Variants in SULT4A1 observed in about 807,000 individuals in gnomAD.
SULT4A1 encodes the protein sulfotransferase 4A1.
Under a neutral mutation model 35.2 loss-of-function variants are expected in SULT4A1, and 11 were observed. The ratio of observed to expected loss-of-function variants is 0.31; its 90% CI spans 0.20 to 0.52. The LOEUF (loss-of-function observed/expected upper bound fraction) is 0.52, where lower values mean the gene tolerates loss of function less well. Ranked by LOEUF, SULT4A1 falls within the 20% of genes least tolerant of loss-of-function variation. SULT4A1 has a pLI of 0.97. For missense variants in SULT4A1, 271 were observed against 383.7 expected, an observed-to-expected ratio of 0.71 and a Z score of 2.45; for synonymous variants, 152 against 151.8, an observed-to-expected ratio of 1.00 and a Z score of -0.01.
chr22:43,844,420 C>G (rs2063458845), intron 1 of SULT4A1, among the ~76,000 whole-genome samples: 1 of 152,186 alleles, frequency 6.6e-6, no homozygotes, highest in Admixed American at 6.5e-5. Context: ...GGCTAGAGAC[C>G]TATGGACCAA....
intron 1 of SULT4A1, among the ~76,000 whole-genome samples, chr22:43,845,306 A>G (rs908298385): frequency 6.6e-6 from 1 of 151,810 alleles, no homozygotes; most frequent in African/African-American, 2.4e-5. Context: ...GCACATGCCC[A>G]CCAACTCCAG....
Position 43,838,899 on chromosome 22 carries a change from T to C in SULT4A1, c.476A>G (p.Gln159Arg). 1 of 1,614,088 alleles carries C rather than the reference T, an allele frequency of 6.2e-7. No individual in the cohort carries two copies. Among genetic ancestry groups the C allele is most frequent in the South Asian group, 1.1e-5 (1 of 91,066 alleles). The stretch of plus-strand genomic sequence containing the variant: ...ATTCATAAACCTCCGGCAGAATTCT[T>C]GAAAGGTGCCTCGGTAGCTCATGGT... Reference protein sequence around the residue: ...LRTMSYRGTFQEFCRRFMNDK... With the variant: ...LRTMSYRGTFREFCRRFMNDK... The change falls in exon 4 of 7, where the codon CAA (glutamine) becomes CGA (arginine). Residue 159 changes from glutamine (Q) to arginine (R), a missense_variant. Physicochemically the swap from Gln to Arg is conservative, Grantham distance 43. Around this residue, in one of 3 missense-constraint regions of SULT4A1, gnomAD observed 164 missense variants for 254.1 expected, o/e 0.65. Transcript: ENST00000330884.
At position 43,862,424 on chromosome 22, in the gene SULT4A1, A is replaced by G; in HGVS notation, c.-42T>C. 1.0e-6 allele frequency: 1 copy of G among 989,794 alleles called. No homozygotes were observed. Among genetic ancestry groups the G allele is most frequent in the East Asian group, 9.9e-5 (1 of 10,086 alleles). The allele number at this position is 989,794 out of a possible 1,614,324, so 61.3% of individuals were successfully genotyped here. On this transcript the variant is annotated 5_prime_UTR_variant, in exon 1 of 7. Coordinates refer to ENST00000330884, the MANE Select transcript of SULT4A1 (RefSeq NM_014351.4). ...TCGCCGCCGCCGCCTCCCGGCTCGCAGCCCGCACGCGCCCGCGCCCGCGCC... is the reference window on the plus strand; with the variant it reads ...TCGCCGCCGCCGCCTCCCGGCTCGCGGCCCGCACGCGCCCGCGCCCGCGCC...
chr22:43,859,295 G>A lies in SULT4A1; in HGVS notation c.169+2919C>T, dbSNP rs1216594862. ...CTCTCATTTTTAATGAGCAAACTGAGGTTCAAAGAAACCAGGTGGCTCACC... is the reference window on the plus strand; with the variant it reads ...CTCTCATTTTTAATGAGCAAACTGAAGTTCAAAGAAACCAGGTGGCTCACC... On this transcript the variant is annotated intron_variant, in intron 1 of 6. Transcript: ENST00000330884. Among the ~76,000 whole-genome samples, 3 of 152,230 alleles carry A rather than the reference G, an allele frequency of 2.0e-5. 1 individual carries two copies. Among genetic ancestry groups the A allele is most frequent in the East Asian group, 1.9e-4 (1 of 5,204 alleles).
chr22:43,839,544 T>C (rs2063407564), intron 3 of SULT4A1, among the ~76,000 whole-genome samples: 1 of 152,020 alleles, frequency 6.6e-6, no homozygotes, highest in South Asian at 2.1e-4. Context: ...CAGTGAGCCA[T>C]GCCACTGCAC....
At chr22:43,844,595 T>G (rs926696282) in intron 1 of SULT4A1, among the ~76,000 whole-genome samples, 2 of 152,166 alleles carry the variant, frequency 1.3e-5, no homozygotes, top group African/African-American at 4.8e-5. Flanking sequence ...GCCCAGGCAT[T>G]CAATCATTTA....
chr22:43,832,346 A>C (rs1297967397), intron 5 of SULT4A1, among the ~76,000 whole-genome samples: 2 of 151,974 alleles, frequency 1.3e-5, no homozygotes, highest in African/African-American at 4.8e-5. Context: ...CTCTTTCCTC[A>C]CCATAACACA....
rs1371336201 is a variant in SULT4A1, at chr22:43,825,861, C to G, written c.*140G>C. The G allele has an allele frequency of 2.5e-6, 2 of 806,366 alleles. No homozygotes were observed. Among genetic ancestry groups the G allele is most frequent in the Non-Finnish European group, 3.9e-6 (2 of 506,724 alleles). The allele number at this position is 806,366 out of a possible 1,614,324, so 50.0% of individuals were successfully genotyped here. A position where few individuals can be genotyped will look rare whatever the true frequency, so the allele number is the denominator to read the frequency against. On this transcript the variant is annotated 3_prime_UTR_variant, in exon 7 of 7. Coordinates refer to ENST00000330884, the MANE Select transcript of SULT4A1 (RefSeq NM_014351.4). ...GTTGGGAATCATCACACTCCCTCCG[C>G]TCACGCCGCTCTTCCCTTCCCCCGC...
chr22:43,840,159 G>A (rs9625949), intron 2 of SULT4A1, 134 bp from the exon 3 acceptor site: 123,645 of 659,270 alleles, frequency 0.19, 14,333 homozygotes, highest in African/African-American at 0.3. Flanking sequence ...CAGAGGGAAC[G>A]GCGGGTCTAG....
intron 1 of SULT4A1, among the ~76,000 whole-genome samples, chr22:43,857,098 A>T (rs140793758): frequency 9.8e-4 from 150 of 152,296 alleles, no homozygotes; most frequent in African/African-American, 3.6e-3. Context: ...AGAAATGGAA[A>T]CTCTAAGTGG....
intron 5 of SULT4A1, among the ~76,000 whole-genome samples, chr22:43,833,264 C>G (rs550066127): frequency 2.6e-5 from 4 of 152,232 alleles, no homozygotes; most frequent in Admixed American, 6.5e-5. Context: ...TCTGTGGTGA[C>G]CCAGGCTCCC....
intron 6 of SULT4A1, chr22:43,826,453 C>T (rs1025319285): frequency 3.0e-6 from 3 of 985,114 alleles, no homozygotes; most frequent in African/African-American, 1.7e-5. Context: ...GCACCTAGAA[C>T]GGCACCTGGC....
rs537411255 is a variant in SULT4A1 at position 43,835,963 on chromosome 22, C to T, written c.509-2229G>A. 1.9e-3 allele frequency among the ~76,000 whole-genome samples: 288 copies of T among 152,336 alleles called. 2 individuals carry two copies. The highest frequency in any genetic ancestry group is 6.8e-3 in the African/African-American group (284 of 41,572). ...TCCCACCGGAATGCCTGAGAGGAGGCGAGGACGCCGGGCCCCTCCACGCTT... is the reference window on the plus strand; with the variant it reads ...TCCCACCGGAATGCCTGAGAGGAGGTGAGGACGCCGGGCCCCTCCACGCTT... On this transcript the variant is annotated intron_variant, in intron 4 of 6. Coordinates refer to ENST00000330884, the MANE Select transcript of SULT4A1 (RefSeq NM_014351.4).
intron 2 of SULT4A1, 79 bp from the exon 3 acceptor site, chr22:43,840,104 C>T: frequency 9.1e-7 from 1 of 1,095,112 alleles, no homozygotes; most frequent in Non-Finnish European, 1.3e-6. Context: ...GGGAAGGGGG[C>T]CAGAGGAGGA....
intron 1 of SULT4A1, among the ~76,000 whole-genome samples, chr22:43,846,633 C>G (rs1294345010): frequency 6.6e-6 from 1 of 152,258 alleles, no homozygotes; most frequent in Non-Finnish European, 1.5e-5. Context: ...ACACAAAGAA[C>G]TTCTCAGCCC....
intron 1 of SULT4A1, among the ~76,000 whole-genome samples, chr22:43,844,084 G>A (rs552490712): frequency 6.6e-6 from 1 of 152,346 alleles, no homozygotes; most frequent in Admixed American, 6.5e-5. Flanking sequence ...CTTGCTGGCG[G>A]GGAGAAATCC....
chr22:43,831,284 G>A (rs1049911797), intron 5 of SULT4A1, among the ~76,000 whole-genome samples: 2 of 152,214 alleles, frequency 1.3e-5, no homozygotes, highest in Non-Finnish European at 2.9e-5. Flanking sequence ...AGAAACTGCT[G>A]ACCCGGCAGC....
At chr22:43,826,261 G>A (rs1421060349) in intron 6 of SULT4A1, 148 bp from the exon 7 acceptor site, 2 of 1,453,912 alleles carry the variant, frequency 1.4e-6, no homozygotes, top group Non-Finnish European at 1.8e-6. Context: ...AGGGCCGTCT[G>A]AGCTACAGAC....
At chr22:43,842,780 G>A (rs1000441978) in intron 1 of SULT4A1, among the ~76,000 whole-genome samples, 3 of 152,204 alleles carry the variant, frequency 2.0e-5, no homozygotes, top group Non-Finnish European at 2.9e-5. Context: ...CTGATTCAGA[G>A]AAGACACAAA....
Sources: gnomAD v4.1 joint callset for allele counts (sites outside exome capture counted in the v4.1 genomes callset) on GRCh38, gnomAD v4.1.1 for gene constraint, gnomAD v4.1.1 regional missense constraint, MANE v1.5 for transcripts, NCBI Gene and HGNC (gene_info 2026-07-23, HGNC 2026-07-21) for gene names.